GAS2L2: variants seen among roughly 807,000 people sequenced by gnomAD.
The protein encoded by GAS2L2 is GAS2-like protein 2.
A neutral mutation model predicts 35.2 loss-of-function variants in GAS2L2; 21 were observed. That is an observed-to-expected ratio of 0.60 (90% CI 0.42 to 0.86). The LOEUF (loss-of-function observed/expected upper bound fraction) is 0.86. Ranked by LOEUF, GAS2L2 falls within the 40% of genes least tolerant of loss-of-function variation. The probability of loss-of-function intolerance (pLI) is 0.00; values close to 1 mark genes in which losing one functional copy is unlikely to be tolerated. For synonymous variants in GAS2L2, 490 were observed against 473.2 expected (o/e 1.04, Z -0.46); for missense variants, 1,169 against 1,144.4 (o/e 1.02, Z -0.31).
In GAS2L2 at chr17:35,749,192, G is replaced by C. The variant is rs140506424; in HGVS notation, c.653C>G (p.Thr218Arg). 1.2e-6 allele frequency: 2 copies of C among 1,613,566 alleles called. No homozygotes were observed. The highest frequency in any genetic ancestry group is 1.3e-5 in the African/African-American group (1 of 75,014). Residue 218 changes from threonine to arginine, a missense_variant, in exon 3 of 6, where the codon ACG becomes AGG. This residue lies in a region of GAS2L2 where 1,035 missense variants were observed against 976.5 expected (regional missense o/e 1.06). Transcript: ENST00000604641. Reference protein sequence around the residue: ...QMVQSLVSHCTCPVQFSMVKV... With the variant: ...QMVQSLVSHCRCPVQFSMVKV... ...GACCATGGAGAACTGCACTGGGCAC[G>C]TGCAGTGGCTCACAAGGCTCTGCAC...
chr17:35,752,722 G>C lies in GAS2L2; in HGVS notation c.129C>G (p.Arg43=), dbSNP rs781955631. 6.2e-7 allele frequency: 1 copy of C among 1,613,956 alleles called. No individual in the cohort carries two copies. The highest frequency in any genetic ancestry group is 1.1e-5 in the South Asian group (1 of 91,078). The change falls in exon 1 of 6, where the codon CGC becomes CGG. Residue 43 remains arginine, a synonymous_variant. Coordinates refer to ENST00000604641, the MANE Select transcript of GAS2L2 (RefSeq NM_139285.4). ...CGTCGATGTCCAGCCCATAGAGGTC[G>C]CGAAGCCACTCAGCCAGGTCTTCCT... The part of the protein sequence containing the change: ...AMKEDLAEWL[R]DLYGLDIDAA...
In GAS2L2 at chr17:35,745,065, G is replaced by C. The variant is rs781916243; in HGVS notation, c.2432C>G (p.Pro811Arg). The C allele has an allele frequency of 1.2e-6, 2 of 1,613,718 alleles. No homozygotes were observed. The highest frequency in any genetic ancestry group is 1.7e-6 in the Non-Finnish European group (2 of 1,179,954). The stretch of plus-strand genomic sequence containing the variant: ...CACAGCTCTCAACAGCCTGTCCTTG[G>C]GGGGCTGCCTGGCTGGACCCAGGAA... ...YVFLGPARQPPKDRLLRAVLG... is the reference protein window; with the variant it reads ...YVFLGPARQPRKDRLLRAVLG... Residue 811 changes from proline (P) to arginine (R), a missense_variant, in exon 6 of 6, where the codon CCC becomes CGC. Physicochemically the swap from Pro to Arg is moderately radical, Grantham distance 103 (BLOSUM62 -2). Transcript: ENST00000604641.
rs2085713617 is a variant in GAS2L2 at position 35,752,955 on chromosome 17, G to T, written c.-105C>A. On this transcript the variant is annotated 5_prime_UTR_variant, in exon 1 of 6. Transcript: ENST00000604641. ...CGGCTGGGTTCTTCCTGATTCTGAG[G>T]TTCCCGTGTACTCGCTGAGAGCCCG... 1 of 1,281,528 alleles carries T rather than the reference G, an allele frequency of 7.8e-7. No homozygotes were observed. The highest frequency in any genetic ancestry group is 1.1e-6 in the Non-Finnish European group (1 of 949,492). 79.4% of individuals were successfully genotyped at this position (1,281,528 alleles called of 1,614,324 possible). A position where few individuals can be genotyped will look rare whatever the true frequency, so the allele number is the denominator to read the frequency against.
rs1555599407 is a variant in GAS2L2, at chr17:35,749,147, T to C, written c.698A>G (p.Tyr233Cys). Residue 233 changes from tyrosine (Y) to cysteine (C), a missense_variant, in exon 3 of 6, where the codon TAC becomes TGC. This residue lies in a region of GAS2L2 where 1,035 missense variants were observed against 976.5 expected (regional missense o/e 1.06). Transcript: ENST00000604641. Reference sequence around the variant, plus strand: ...GAGGGTGTTGGAGTCACCCACACGGTACTTCCCCTCAGACACTTTGACCAT... The same window carrying C: ...GAGGGTGTTGGAGTCACCCACACGGCACTTCCCCTCAGACACTTTGACCAT... ...FSMVKVSEGK[Y>C]RVGDSNTLIF... is the part of the protein sequence containing the mutation. 2 of 1,614,004 alleles carry C rather than the reference T, an allele frequency of 1.2e-6. No individual in the cohort carries two copies. The highest frequency in any genetic ancestry group is 1.7e-5 in the Admixed American group (1 of 60,016).
At position 35,746,073 on chromosome 17, in the gene GAS2L2, C is replaced by T. The variant is rs139075841; in HGVS notation, c.1424G>A (p.Arg475Gln). 62 of 1,520,632 alleles carry T rather than the reference C, an allele frequency of 4.1e-5. No individual in the cohort carries two copies. Among genetic ancestry groups the T allele is most frequent in the East Asian group, 2.0e-4 (9 of 44,056 alleles). 94.2% of individuals were successfully genotyped at this position (1,520,632 alleles called of 1,614,324 possible). The change falls in exon 6 of 6, where the codon CGG becomes CAG. Residue 475 changes from arginine to glutamine, a missense_variant. Physicochemically the swap from Arg to Gln is conservative, Grantham distance 43 (BLOSUM62 1). Around this residue, in one of 3 missense-constraint regions of GAS2L2, gnomAD observed 1,035 missense variants for 976.5 expected, o/e 1.06. Coordinates refer to ENST00000604641, the MANE Select transcript of GAS2L2 (RefSeq NM_139285.4). ...GAAGAACGCACCCTTGGCCTCATCC[C>T]GGAGTGGCAGCCTGAGGCCCAGGCA... ...AECLGLRLPL[R>Q]DEAKGAFFQF...
rs1033275519 is a variant in GAS2L2, at chr17:35,745,390, G to A, written c.2107C>T (p.Pro703Ser). 1 of 1,582,564 alleles carries A rather than the reference G, an allele frequency of 6.3e-7. No individual in the cohort carries two copies. Among genetic ancestry groups the A allele is most frequent in the Non-Finnish European group, 8.6e-7 (1 of 1,163,546 alleles). Residue 703 changes from proline (P) to serine (S), a missense_variant, in exon 6 of 6, where the codon CCC becomes TCC. By Grantham distance (74) the Pro-to-Ser change is moderately conservative (BLOSUM62 -1). Coordinates refer to ENST00000604641, the MANE Select transcript of GAS2L2 (RefSeq NM_139285.4). ...GCACTCAGGCTTGCCTTTGTCCTGGGCCCACTCTGTCTGGCTCCCAACTTC... is the reference window on the plus strand; with the variant it reads ...GCACTCAGGCTTGCCTTTGTCCTGGACCCACTCTGTCTGGCTCCCAACTTC... Reference protein sequence around the residue: ...KGKLGARQSGPRTKASLSAKG... With the variant: ...KGKLGARQSGSRTKASLSAKG...
chr17:35,751,614 G>A (rs2085703636), intron 1 of GAS2L2, among the ~76,000 whole-genome samples: 1 of 151,100 alleles, frequency 6.6e-6, no homozygotes, highest in Non-Finnish European at 1.5e-5. Flanking sequence ...GTTGCAGTGA[G>A]CCAAGATCGA....
chr17:35,746,988 G>C, intron 5 of GAS2L2, 28 bp downstream of exon 5: 3 of 1,515,164 alleles, frequency 2.0e-6, no homozygotes, highest in Non-Finnish European at 2.6e-6. Flanking sequence ...AAAGGAAAAA[G>C]AGCCCCATCC....
Position 35,752,842 on chromosome 17 carries a change from C to CT in GAS2L2, c.8dup (p.Pro4AlafsTer25). 6.3e-7 allele frequency: 1 copy of CT among 1,596,710 alleles called. No individual in the cohort carries two copies. The highest frequency in any genetic ancestry group is 8.6e-7 in the Non-Finnish European group (1 of 1,168,526). On this transcript the variant is annotated frameshift_variant, in exon 1 of 6. Transcript: ENST00000604641. LOFTEE classifies it high-confidence loss of function. ...TGGGCTTCCTCCTGCCTCCCGCAGG[C>CT]TGGGACATGGCTGGACCCCAGCAGG...
At chr17:35,749,945 A>G (rs1164408403) in intron 2 of GAS2L2, 132 bp downstream of exon 2, 20 of 787,792 alleles carry the variant, frequency 2.5e-5, no homozygotes, top group Non-Finnish European at 4.1e-5. Context: ...AAAGCCACAC[A>G]GTGAATTCGG....
Position 35,745,988 on chromosome 17 carries a change from G to T in GAS2L2, c.1509C>A (p.Ile503=), listed in dbSNP as rs2085664889. 1 of 1,593,620 alleles carries T rather than the reference G, an allele frequency of 6.3e-7. No homozygotes were observed. Among genetic ancestry groups the T allele is most frequent in the East Asian group, 2.2e-5 (1 of 44,624 alleles). ...SPTPVQGLTK[I]PIRLPPARPP... ...GGCGAGCAGGGGGCAGCCGGATGGG[G>T]ATCTTGGTTAGGCCTTGGACAGGGG... The change falls in exon 6 of 6, where the codon ATC becomes ATA. Residue 503 remains isoleucine, a synonymous_variant. Transcript: ENST00000604641.
At position 35,745,103 on chromosome 17, in the gene GAS2L2, T is replaced by C. The variant is rs1437586377; in HGVS notation, c.2394A>G (p.Pro798=). The stretch of plus-strand genomic sequence containing the variant: ...CTGGACCCAGGAAGACATAGGCCAG[T>C]GGCCTGGGGATTCGTGAAGGCTGCT... ...PEKQPSRIPR[P]LAYVFLGPAR... The change falls in exon 6 of 6, where the codon CCA becomes CCG. Residue 798 remains proline (P), a synonymous_variant. Coordinates refer to ENST00000604641, the MANE Select transcript of GAS2L2 (RefSeq NM_139285.4). 8.1e-6 allele frequency: 13 copies of C among 1,613,240 alleles called. No homozygotes were observed. The highest frequency in any genetic ancestry group is 3.3e-5 in the South Asian group (3 of 91,072).
chr17:35,752,745 C>T lies in GAS2L2; in HGVS notation c.106G>A (p.Glu36Lys), dbSNP rs200874463. 30 of 1,613,868 alleles carry T rather than the reference C, an allele frequency of 1.9e-5. No homozygotes were observed. Among genetic ancestry groups the T allele is most frequent in the Non-Finnish European group, 2.3e-5 (27 of 1,180,044 alleles). ...TCGCGAAGCCACTCAGCCAGGTCTT[C>T]CTTCATGGCCTCCAGGTACTGCTCA... Reference protein sequence around the residue: ...SSEQYLEAMKEDLAEWLRDLY... With the variant: ...SSEQYLEAMKKDLAEWLRDLY... The change falls in exon 1 of 6, where the codon GAA (glutamate) becomes AAA (lysine). Residue 36 changes from glutamate to lysine, a missense_variant. This residue lies in a region of GAS2L2 where 127 missense variants were observed against 146.1 expected (regional missense o/e 0.87). Coordinates refer to ENST00000604641, the MANE Select transcript of GAS2L2 (RefSeq NM_139285.4).
chr17:35,749,099 C>A lies in GAS2L2; in HGVS notation c.735+11G>T. ...ATTCTGGGGGTCCCTTGACCCCCAG[C>A]CTGGACTTACCCGGATGAAGATGAG... On this transcript the variant is annotated intron_variant, in intron 3 of 5. Coordinates refer to ENST00000604641, the MANE Select transcript of GAS2L2 (RefSeq NM_139285.4). 6.3e-7 allele frequency: 1 copy of A among 1,590,822 alleles called. No individual in the cohort carries two copies. Among genetic ancestry groups the A allele is most frequent in the Non-Finnish European group, 8.6e-7 (1 of 1,159,374 alleles).
chr17:35,753,039 G>GC lies in GAS2L2; in HGVS notation c.-190dup, dbSNP rs1227460929. Among the ~76,000 whole-genome samples, 1 of 152,114 alleles carries GC rather than the reference G, an allele frequency of 6.6e-6. No individual in the cohort carries two copies. Among genetic ancestry groups the GC allele is most frequent in the East Asian group, 1.9e-4 (1 of 5,180 alleles). The stretch of plus-strand genomic sequence containing the variant: ...AGCTGCCAGGCCTGGCCCAGCCCCT[G>GC]CCCCCCCACATTCCTCAGTCCTTGC... On this transcript the variant is annotated 5_prime_UTR_variant, in exon 1 of 6. An upstream open reading frame in the 5' UTR loses its in-frame stop. Coordinates refer to ENST00000604641, the MANE Select transcript of GAS2L2 (RefSeq NM_139285.4).
At position 35,750,160 on chromosome 17, in the gene GAS2L2, C is replaced by T. The variant is rs781892521; in HGVS notation, c.544G>A (p.Glu182Lys). 4.3e-6 allele frequency: 7 copies of T among 1,611,004 alleles called. No homozygotes were observed. The African/African-American group carries it at 6.7e-5, about 15-fold the overall frequency. The change falls in exon 2 of 6, where the codon GAG (glutamate) becomes AAG (lysine). Residue 182 changes from glutamate to lysine, a missense_variant. By Grantham distance (56) the Glu-to-Lys change is moderately conservative. Around this residue, in one of 3 missense-constraint regions of GAS2L2, gnomAD observed 1,035 missense variants for 976.5 expected, o/e 1.06. Transcript: ENST00000604641. Reference protein sequence around the residue: ...EEEIEEEVRRELALPPPDPSP... With the variant: ...EEEIEEEVRRKLALPPPDPSP... ...GGGTCGGGCGGGGGCAGGGCCAGCT[C>T]CCGCCGCACCTCCTCCTCGATCTCC...
In GAS2L2 at chr17:35,745,721, C is replaced by T. The variant is rs1250419663; in HGVS notation, c.1776G>A (p.Leu592=). ...EQEGRYTPLP[L]GGNKEQAIYC... ...AGATGGCTTGCTCCTTGTTCCCGCC[C>T]AAGGGCAGAGGTGTGTACCGCCCCT... The change falls in exon 6 of 6, where the codon TTG becomes TTA. Residue 592 remains leucine, a synonymous_variant. Transcript: ENST00000604641. The T allele has an allele frequency of 2.5e-6, 4 of 1,613,928 alleles. No individual in the cohort carries two copies. Among genetic ancestry groups the T allele is most frequent in the Non-Finnish European group, 3.4e-6 (4 of 1,180,042 alleles).
chr17:35,749,497 C>T (rs1555599463), intron 2 of GAS2L2, among the ~76,000 whole-genome samples: 1 of 152,198 alleles, frequency 6.6e-6, no homozygotes, highest in Non-Finnish European at 1.5e-5. Context: ...GCCCTGTATC[C>T]ACTGCATCAT....
Position 35,745,810 on chromosome 17 carries a change from G to A in GAS2L2, c.1687C>T (p.Gln563Ter). The change falls in exon 6 of 6, where the codon CAG becomes TAG. Residue 563 changes from glutamine (Q) to a stop codon, truncating the protein, a stop_gained. Coordinates refer to ENST00000604641, the MANE Select transcript of GAS2L2 (RefSeq NM_139285.4). LOFTEE classifies it low-confidence loss of function (END_TRUNC). ...CSVEVRQEDQ[Q>*]LDIQVMAEAR... ...TCTGCCATGACCTGGATGTCCAGCT[G>A]CTGGTCCTCCTGCCTCACTTCCACA... is the stretch of plus-strand genomic sequence containing the variant. 6.2e-7 allele frequency: 1 copy of A among 1,613,806 alleles called. No individual in the cohort carries two copies. Among genetic ancestry groups the A allele is most frequent in the Non-Finnish European group, 8.5e-7 (1 of 1,180,036 alleles).
Sources: allele counts gnomAD v4.1 joint callset (sites outside exome capture counted in the v4.1 genomes callset), GRCh38; gene constraint gnomAD v4.1.1; regional missense constraint gnomAD v4.1.1; transcripts MANE v1.5; gene names NCBI Gene and HGNC (gene_info 2026-07-23, HGNC 2026-07-21).